ZNF652: variants seen among roughly 807,000 people sequenced by gnomAD.
ZNF652 encodes zinc finger protein 652.
In ZNF652, 16 loss-of-function variants were observed where a neutral mutation model predicts 45.2. That is an observed-to-expected ratio of 0.35 (90% confidence interval 0.24 to 0.54). The LOEUF is 0.54. Ranked by LOEUF, ZNF652 falls within the 20% of genes least tolerant of loss-of-function variation. ZNF652 has a pLI of 0.91. For missense variants in ZNF652, 614 were observed against 765.6 expected, an observed-to-expected ratio of 0.80 and a Z score of 2.34; for synonymous variants, 250 against 260.6, an observed-to-expected ratio of 0.96 and a Z score of 0.39.
intron 3 of ZNF652, 117 bp from the exon 4 acceptor site, chr17:49,312,159 C>CTTTTTT (rs34553823): frequency 1.5e-3 from 215 of 139,078 alleles, no homozygotes; most frequent in African/African-American, 1.9e-3. Flanking sequence ...ATTTGTGAGG[C>CTTTTTT]TTTTTTTTTT....
At chr17:49,348,343 T>C (rs1443916503) in intron 1 of ZNF652, among the ~76,000 whole-genome samples, 2 of 151,584 alleles carry the variant, frequency 1.3e-5, no homozygotes, top group African/African-American at 4.9e-5. Flanking sequence ...AAAATTTAGC[T>C]GGACACAGTG....
chr17:49,328,020 T>C (rs1415383568), intron 1 of ZNF652, among the ~76,000 whole-genome samples: 4 of 151,930 alleles, frequency 2.6e-5, no homozygotes, highest in African/African-American at 9.7e-5. Context: ...AGGTGAGTCA[T>C]GACCTTGGGT....
chr17:49,301,816 CAG>C (rs897044964), intron 5 of ZNF652, among the ~76,000 whole-genome samples: 1 of 151,582 alleles, frequency 6.6e-6, no homozygotes, highest in Non-Finnish European at 1.5e-5. Flanking sequence ...CACTTCAGGC[CAG>C]GAGTTCGAGA....
At chr17:49,358,000 C>A (rs561885552) in intron 1 of ZNF652, among the ~76,000 whole-genome samples, 1 of 152,280 alleles carries the variant, frequency 6.6e-6, no homozygotes, top group African/African-American at 2.4e-5. Flanking sequence ...TGTCATAAGA[C>A]AAAATGATCT....
rs1261964468 is a variant in ZNF652, at chr17:49,317,547, G to A, written c.179C>T (p.Ser60Phe). The change falls in exon 2 of 6, where the codon TCT becomes TTT. Residue 60 changes from serine to phenylalanine, a missense_variant. Around this residue, in one of 5 missense-constraint regions of ZNF652, gnomAD observed 133 missense variants for 132.2 expected, o/e 1.01. Transcript: ENST00000430262. ...VYKRESGSPY[S>F]VLVDTKMSKP... ...GCTCATCTTGGTGTCCACTAACACA[G>A]AATAAGGACTTCCTGATTCCCTTTT... is the stretch of plus-strand genomic sequence containing the variant. 15 of 1,614,114 alleles carry A rather than the reference G, an allele frequency of 9.3e-6. No individual in the cohort carries two copies. Among genetic ancestry groups the A allele is most frequent in the South Asian group, 2.2e-5 (2 of 91,076 alleles).
intron 5 of ZNF652, among the ~76,000 whole-genome samples, chr17:49,302,760 G>A (rs1037798474): frequency 4.0e-5 from 6 of 150,838 alleles, no homozygotes; most frequent in African/African-American, 1.5e-4. Context: ...TCAGGAGTTC[G>A]AGACAGGCTT....
At chr17:49,288,856 A>G (rs1232704060), downstream of ZNF652, among the ~76,000 whole-genome samples, 1 of 152,124 alleles carries the variant, frequency 6.6e-6, no homozygotes, top group Non-Finnish European at 1.5e-5. Flanking sequence ...TTTTTCTTCA[A>G]ATTGGTTCAG....
chr17:49,316,707 A>C (rs1284921242), intron 2 of ZNF652, 119 bp downstream of exon 2: 15 of 1,069,224 alleles, frequency 1.4e-5, no homozygotes, highest in Non-Finnish European at 2.0e-5. Context: ...TCAAATGATA[A>C]ATTGGTGAAA....
chr17:49,345,468 C>T (rs1294637625), intron 1 of ZNF652, among the ~76,000 whole-genome samples: 1 of 151,050 alleles, frequency 6.6e-6, no homozygotes, highest in Non-Finnish European at 1.5e-5. Flanking sequence ...TCCCAAAGTG[C>T]TGGGATTACA....
chr17:49,326,545 T>C (rs1178059445), intron 1 of ZNF652, among the ~76,000 whole-genome samples: 1 of 152,036 alleles, frequency 6.6e-6, no homozygotes, highest in Admixed American at 6.6e-5. Context: ...AAGAAAAAGG[T>C]GGTCCATGAA....
intron 2 of ZNF652, among the ~76,000 whole-genome samples, chr17:49,315,559 TAAA>T (rs10542422): frequency 1.3e-4 from 18 of 143,488 alleles, no homozygotes; most frequent in African/African-American, 1.5e-4. Flanking sequence ...AGACTTAAGT[TAAA>T]AAAAAAAAAA....
At chr17:49,306,958 G>A (rs993141257) in intron 5 of ZNF652, among the ~76,000 whole-genome samples, 1 of 151,772 alleles carries the variant, frequency 6.6e-6, no homozygotes, top group Non-Finnish European at 1.5e-5. Flanking sequence ...CTGCTGTGTT[G>A]GCCAGGCTGG....
rs1460885649 is a variant in ZNF652 at position 49,319,540 on chromosome 17, G to A, written c.-258-1557C>T. Among the ~76,000 whole-genome samples, 10 of 147,774 alleles carry A rather than the reference G, an allele frequency of 6.8e-5. No individual in the cohort carries two copies. In the South Asian group the frequency reaches 2.0e-3, roughly 29 times the overall value. On this transcript the variant is annotated intron_variant, in intron 1 of 5. Transcript: ENST00000430262. ...TCCAGCTACTCAGGAGACGGAGGCA[G>A]GAGAATCGCTTGAACCCAGGAGGCG...
At chr17:49,338,759 G>A (rs1181596630) in intron 1 of ZNF652, among the ~76,000 whole-genome samples, 2 of 152,116 alleles carry the variant, frequency 1.3e-5, no homozygotes, top group African/African-American at 2.4e-5. Flanking sequence ...TGGGGGCTGA[G>A]GAGACAGGAT....
At chr17:49,332,890 AAATGAATT>A (rs1330817889) in intron 1 of ZNF652, among the ~76,000 whole-genome samples, 1 of 152,156 alleles carries the variant, frequency 6.6e-6, no homozygotes, top group Non-Finnish European at 1.5e-5. Context: ...CTATGGTCAG[AAATGAATT>A]AACAAAACTC....
chr17:49,353,306 T>C (rs1185928167), intron 1 of ZNF652, among the ~76,000 whole-genome samples: 1 of 152,000 alleles, frequency 6.6e-6, no homozygotes, highest in East Asian at 1.9e-4. Flanking sequence ...CTCAGCCTCC[T>C]GAGTAGCTGG....
At chr17:49,304,895 T>TAC (rs1039691818) in intron 5 of ZNF652, among the ~76,000 whole-genome samples, 4 of 105,800 alleles carry the variant, frequency 3.8e-5, no homozygotes, top group South Asian at 3.5e-4. Flanking sequence ...TATATATATA[T>TAC]ACACACACAC....
At chr17:49,318,591 T>C (rs957192516) in intron 1 of ZNF652, among the ~76,000 whole-genome samples, 1 of 152,220 alleles carries the variant, frequency 6.6e-6, no homozygotes, top group African/African-American at 2.4e-5. Context: ...TAAAATAATA[T>C]TGCACAGCAT....
chr17:49,332,331 T>C (rs1567692473), intron 1 of ZNF652, among the ~76,000 whole-genome samples: 2 of 152,212 alleles, frequency 1.3e-5, no homozygotes, highest in South Asian at 2.1e-4. Flanking sequence ...TATGAATAAA[T>C]AGTCTAAAAC....
Sources: gnomAD v4.1 joint callset for allele counts (sites outside exome capture counted in the v4.1 genomes callset) on GRCh38, gnomAD v4.1.1 for gene constraint, gnomAD v4.1.1 regional missense constraint, MANE v1.5 for transcripts, NCBI Gene and HGNC (gene_info 2026-07-23, HGNC 2026-07-21) for gene names.